The following ZNF518A variants were observed in gnomAD, a reference collection of about 807,000 sequenced individuals.
The protein encoded by ZNF518A is zinc finger protein 518.
A neutral mutation model predicts 102.7 loss-of-function variants in ZNF518A; 47 were observed. That is an observed-to-expected ratio of 0.46 (90% CI 0.36 to 0.58). The LOEUF (loss-of-function observed/expected upper bound fraction) is 0.58, where lower values mean the gene tolerates loss of function less well. Among genes scored for constraint, ZNF518A ranks in the 20% least tolerant of loss-of-function variants. The pLI is 0.00. For missense variants in ZNF518A, 1,793 were observed against 1,699.8 expected (o/e 1.05, Z -0.96); for synonymous variants, 652 against 594.6 (o/e 1.10, Z -1.40).
downstream of ZNF518A, among the ~76,000 whole-genome samples, chr10:96,166,754 G>A (rs1405241821): frequency 1.3e-5 from 2 of 152,096 alleles, no homozygotes; most frequent in Admixed American, 6.5e-5. Flanking sequence ...GCGACAGAGC[G>A]AGACTCTGTC....
chr10:96,150,742 C>CT (rs1564759772), intron 3 of ZNF518A, among the ~76,000 whole-genome samples: 1 of 14,530 alleles, frequency 6.9e-5, no homozygotes. Context: ...TTCTTTCTTT[C>CT]CTTTTTTTTT....
chr10:96,189,231 C>T, intron 1 of ZNF518A: 1 of 372,116 alleles, frequency 2.7e-6, no homozygotes, highest in Non-Finnish European at 5.1e-6. Flanking sequence ...GGCAATGGAA[C>T]CTGGACAACA....
At chr10:96,153,733 G>T (rs1184180270) in intron 3 of ZNF518A, among the ~76,000 whole-genome samples, 1 of 152,140 alleles carries the variant, frequency 6.6e-6, no homozygotes, top group Admixed American at 6.5e-5. Context: ...TGTATTTGAA[G>T]TTGAAACTAG....
intron 3 of ZNF518A, among the ~76,000 whole-genome samples, chr10:96,150,346 A>G (rs1211368079): frequency 6.6e-6 from 1 of 151,672 alleles, no homozygotes; most frequent in African/African-American, 2.4e-5. Flanking sequence ...AAAAAAAAAA[A>G]AAAAAATTGA....
chr10:96,191,035 C>T (rs1554893256), intron 1 of ZNF518A, among the ~76,000 whole-genome samples: 1 of 152,112 alleles, frequency 6.6e-6, no homozygotes, highest in African/African-American at 2.4e-5. Flanking sequence ...TGGGAGGTAA[C>T]TGAATCACGC....
Position 96,156,996 on chromosome 10 carries a change from A to C in ZNF518A, c.674A>C (p.His225Pro), listed in dbSNP as rs1050523320. The part of the protein sequence containing the change: ...STQDVGTFVQ[H>P]IHRHNEIHYK... The stretch of plus-strand genomic sequence containing the variant: ...CAGGATGTTGGCACATTTGTTCAGC[A>C]CATTCATAGACATAATGAAATTCAT... The change falls in exon 6 of 6, where the codon CAC becomes CCC. Residue 225 changes from histidine to proline, a missense_variant. His to Pro is a moderately conservative substitution (Grantham distance 77, BLOSUM62 -2). Coordinates refer to ENST00000316045, the MANE Select transcript of ZNF518A (RefSeq NM_001330736.2). The C allele has an allele frequency of 6.2e-7, 1 of 1,613,824 alleles. No homozygotes were observed. The highest frequency in any genetic ancestry group is 1.1e-5 in the South Asian group (1 of 91,058).
chr10:96,134,165 C>T (rs1285993569), intron 3 of ZNF518A, among the ~76,000 whole-genome samples: 2 of 152,148 alleles, frequency 1.3e-5, no homozygotes, highest in African/African-American at 4.8e-5. Context: ...GTAAGTAATG[C>T]AAATATTCCA....
intron 1 of ZNF518A, among the ~76,000 whole-genome samples, chr10:96,174,568 C>G (rs1227861034): frequency 1.3e-5 from 2 of 152,034 alleles, no homozygotes; most frequent in Admixed American, 1.3e-4. Flanking sequence ...ATGAAATTGA[C>G]AAATTCCTAG....
chr10:96,139,536 G>T (rs587736482), intron 3 of ZNF518A, among the ~76,000 whole-genome samples: 7 of 152,310 alleles, frequency 4.6e-5, no homozygotes, highest in African/African-American at 1.4e-4. Context: ...AATCGCCAGT[G>T]CCTTGATCTT....
intron 1 of ZNF518A, among the ~76,000 whole-genome samples, chr10:96,174,607 G>C (rs146441946): frequency 2.6e-5 from 4 of 152,178 alleles, no homozygotes; most frequent in Non-Finnish European, 5.9e-5. Flanking sequence ...TTAAAAAATG[G>C]CTTAAGAGGA....
At chr10:96,203,098 A>G (rs2083691028) in intron 1 of ZNF518A, among the ~76,000 whole-genome samples, 1 of 152,196 alleles carries the variant, frequency 6.6e-6, no homozygotes, top group South Asian at 2.1e-4. Flanking sequence ...TTTCATGAGG[A>G]CAGGGTCTTT....
rs370655053 is a variant in ZNF518A at position 96,157,480 on chromosome 10, T to C, written c.1158T>C (p.Pro386=). Residue 386 remains proline, a synonymous_variant, in exon 6 of 6, where the codon CCT becomes CCC. Coordinates refer to ENST00000316045, the MANE Select transcript of ZNF518A (RefSeq NM_001330736.2). The part of the protein sequence containing the change: ...RLHCENNDKA[P]ESESEKPTPL... ...ACTGTGAGAATAATGATAAAGCCCC[T>C]GAATCAGAGTCAGAGAAGCCAACTC... 1.2e-6 allele frequency: 2 copies of C among 1,613,642 alleles called. No homozygotes were observed. The highest frequency in any genetic ancestry group is 2.7e-5 in the African/African-American group (2 of 74,886).
intron 3 of ZNF518A, among the ~76,000 whole-genome samples, chr10:96,140,346 C>T (rs2081854756): frequency 6.6e-6 from 1 of 151,930 alleles, no homozygotes; most frequent in South Asian, 2.1e-4. Context: ...GCTGTGTAGA[C>T]CTAGAGAAAA....
chr10:96,175,804 T>G (rs1357391142), intron 1 of ZNF518A, among the ~76,000 whole-genome samples: 3 of 152,164 alleles, frequency 2.0e-5, no homozygotes, highest in Non-Finnish European at 4.4e-5. Context: ...AAAGCCCTAA[T>G]AGCTAGTGGC....
intron 1 of ZNF518A, among the ~76,000 whole-genome samples, chr10:96,174,054 A>G (rs2083189300): frequency 2.6e-5 from 4 of 152,146 alleles, no homozygotes; most frequent in Admixed American, 6.6e-5. Context: ...AAGAAAAAAC[A>G]TAACCCACCA....
intron 3 of ZNF518A, among the ~76,000 whole-genome samples, chr10:96,139,737 G>GA (rs2081817133): frequency 6.6e-6 from 1 of 152,212 alleles, no homozygotes; most frequent in Admixed American, 6.5e-5. Context: ...GGACAAGGTG[G>GA]AAGCATGGAT....
intron 1 of ZNF518A, among the ~76,000 whole-genome samples, chr10:96,184,393 G>A (rs1302288985): frequency 3.9e-5 from 6 of 152,176 alleles, no homozygotes; most frequent in Admixed American, 1.3e-4. Flanking sequence ...TTTCTTCCTA[G>A]CATCTATGGT....
chr10:96,175,437 ACT>A (rs782626288), intron 1 of ZNF518A, among the ~76,000 whole-genome samples: 5 of 152,010 alleles, frequency 3.3e-5, no homozygotes, highest in Non-Finnish European at 7.4e-5. Context: ...TTAGGTACTA[ACT>A]CTGTCAGTTG....
At chr10:96,143,868 A>G (rs1179637210) in intron 3 of ZNF518A, among the ~76,000 whole-genome samples, 2 of 152,286 alleles carry the variant, frequency 1.3e-5, no homozygotes, top group East Asian at 3.9e-4. Context: ...TTTGGAGGAT[A>G]TCCTTCTGCA....
Sources: gnomAD v4.1 joint callset for allele counts (sites outside exome capture counted in the v4.1 genomes callset) on GRCh38, gnomAD v4.1.1 for gene constraint, MANE v1.5 for transcripts, NCBI Gene and HGNC (gene_info 2026-07-23, HGNC 2026-07-21) for gene names.